The following YTHDC1 variants were observed in gnomAD, a reference collection of about 807,000 sequenced individuals.
YTHDC1 encodes YTH N6-methyladenosine RNA binding protein C1, also known as YTH domain-containing protein 1.
In YTHDC1, 12 loss-of-function variants were observed where a neutral mutation model predicts 107.0. That is an observed-to-expected ratio of 0.11 (90% CI 0.07 to 0.18). YTHDC1 has a LOEUF of 0.18. Ranked by LOEUF, YTHDC1 falls within the 10% of genes least tolerant of loss-of-function variation. YTHDC1 has a pLI of 1.00. For missense variants in YTHDC1, 635 were observed against 898.8 expected (o/e 0.71, Z 3.75); for synonymous variants, 280 against 289.5 (o/e 0.97, Z 0.33).
At chr4:68,316,270 A>T in intron 16 of YTHDC1, 44 bp downstream of exon 16, 1 of 1,580,754 alleles carries the variant, frequency 6.3e-7, no homozygotes, top group Non-Finnish European at 8.6e-7. Flanking sequence ...TACCTACAGA[A>T]TTCTAAGTAG....
chr4:68,338,823 C>A (rs1023668682), intron 1 of YTHDC1, among the ~76,000 whole-genome samples: 7 of 152,176 alleles, frequency 4.6e-5, no homozygotes, highest in Non-Finnish European at 7.3e-5. Flanking sequence ...GCATTCCAGC[C>A]TGGGCGATAA....
At chr4:68,329,159 GTTC>G (rs1723308369) in intron 9 of YTHDC1, among the ~76,000 whole-genome samples, 1 of 151,878 alleles carries the variant, frequency 6.6e-6, no homozygotes, top group Admixed American at 6.6e-5. Flanking sequence ...TTTGCCCTCT[GTTC>G]TTCTCTTTTC....
chr4:68,318,986 C>G, intron 12 of YTHDC1, 124 bp from the exon 13 acceptor site: 2 of 972,794 alleles, frequency 2.1e-6, no homozygotes, highest in Non-Finnish European at 3.1e-6. Flanking sequence ...AGTGATGCTA[C>G]TACTGTATTA....
chr4:68,316,679 T>C (rs1721892773), intron 15 of YTHDC1, among the ~76,000 whole-genome samples: 1 of 152,202 alleles, frequency 6.6e-6, no homozygotes, highest in Non-Finnish European at 1.5e-5. Flanking sequence ...ACAATGGAAA[T>C]AGCAAACACT....
chr4:68,316,036 G>C, intron 16 of YTHDC1: 1 of 258,128 alleles, frequency 3.9e-6, no homozygotes, highest in Non-Finnish European at 7.2e-6. Context: ...TCTCAATATG[G>C]AAAGAACATA....
chr4:68,324,582 T>C lies in YTHDC1; in HGVS notation c.1350-359A>G, dbSNP rs1237621817. Among the ~76,000 whole-genome samples the C allele has an allele frequency of 3.3e-5, 5 of 152,192 alleles. No homozygotes were observed. The East Asian group carries it at 7.7e-4, about 23-fold the overall frequency. ...GAAATGACACAGAAAATATTTAGTA[T>C]ATCCCTTTCTTCTATGAACTCAAAA... On this transcript the variant is annotated intron_variant, in intron 9 of 16. Coordinates refer to ENST00000344157, the MANE Select transcript of YTHDC1 (RefSeq NM_001031732.4).
At chr4:68,349,456 C>T (rs1242363631) in intron 1 of YTHDC1, among the ~76,000 whole-genome samples, 2 of 152,136 alleles carry the variant, frequency 1.3e-5, no homozygotes, top group African/African-American at 4.8e-5. Context: ...CCCTCTCAGC[C>T]CAAGACAGCT....
chr4:68,342,880 C>T (rs907513885), intron 1 of YTHDC1, among the ~76,000 whole-genome samples: 4 of 125,008 alleles, frequency 3.2e-5, no homozygotes, highest in South Asian at 3.2e-4. Context: ...GTAATATCCA[C>T]TAGTTCTAGG....
chr4:68,313,911 G>T lies in YTHDC1; in HGVS notation c.*188C>A. Reference sequence around the variant, plus strand: ...ATTCAACTGTCAGCTGTGGATTTTTGGCGGATTTGAGTTTTTCCAGTTCTT... The same window carrying T: ...ATTCAACTGTCAGCTGTGGATTTTTTGCGGATTTGAGTTTTTCCAGTTCTT... On this transcript the variant is annotated 3_prime_UTR_variant, in exon 17 of 17. Coordinates refer to ENST00000344157, the MANE Select transcript of YTHDC1 (RefSeq NM_001031732.4). The T allele has an allele frequency of 1.6e-6, 1 of 631,546 alleles. No homozygotes were observed. The highest frequency in any genetic ancestry group is 2.7e-6 in the Non-Finnish European group (1 of 366,536). 39.1% of individuals were successfully genotyped at this position (631,546 alleles called of 1,614,324 possible). A position where few individuals can be genotyped will look rare whatever the true frequency, so the allele number is the denominator to read the frequency against.
In YTHDC1 at chr4:68,323,745, G is replaced by A. The variant is rs1722685075; in HGVS notation, c.1434+394C>T. Reference sequence around the variant, plus strand: ...GTTCCATTTGTAGACTTGAAAACCTGAGTACATATATTTAATCTTTTCAGA... The same window carrying A: ...GTTCCATTTGTAGACTTGAAAACCTAAGTACATATATTTAATCTTTTCAGA... On this transcript the variant is annotated intron_variant, in intron 10 of 16. Coordinates refer to ENST00000344157, the MANE Select transcript of YTHDC1 (RefSeq NM_001031732.4). 2.0e-5 allele frequency among the ~76,000 whole-genome samples: 3 copies of A among 152,294 alleles called. 1 individual carries two copies. The highest frequency in any genetic ancestry group is 4.8e-5 in the African/African-American group (2 of 41,556).
Position 68,349,765 on chromosome 4 carries a change from G to A in YTHDC1, c.-12C>T, listed in dbSNP as rs904933343. The A allele has an allele frequency of 2.3e-5, 37 of 1,612,786 alleles. No homozygotes were observed. Among genetic ancestry groups the A allele is most frequent in the Non-Finnish European group, 3.0e-5 (35 of 1,179,680 alleles). ...CTGTCAGCCGCCATGGCTCCCCTTC[G>A]GTTTCCGCCGCTGCCACCGCCGCCG... On this transcript the variant is annotated 5_prime_UTR_variant, in exon 1 of 17. Coordinates refer to ENST00000344157, the MANE Select transcript of YTHDC1 (RefSeq NM_001031732.4).
intron 4 of YTHDC1, among the ~76,000 whole-genome samples, chr4:68,336,296 T>C (rs1452976135): frequency 6.6e-6 from 1 of 152,050 alleles, no homozygotes; most frequent in Non-Finnish European, 1.5e-5. Flanking sequence ...GCTCTGTAAG[T>C]ACCCTGACCT....
At position 68,347,445 on chromosome 4, in the gene YTHDC1, C is replaced by G. The variant is rs116738610; in HGVS notation, c.28+2281G>C. The stretch of plus-strand genomic sequence containing the variant: ...TCACAGGGAGCTAGCAATCTGTCCA[C>G]TTATATGGGCTGCAGCTTCTAGGTA... On this transcript the variant is annotated intron_variant, in intron 1 of 16. Coordinates refer to ENST00000344157, the MANE Select transcript of YTHDC1 (RefSeq NM_001031732.4). 6.0e-3 allele frequency among the ~76,000 whole-genome samples: 911 copies of G among 152,266 alleles called. 11 individuals are homozygous for G. Among genetic ancestry groups the G allele is most frequent in the African/African-American group, 0.021 (860 of 41,548 alleles).
At chr4:68,335,156 A>C (rs1488690889) in intron 4 of YTHDC1, among the ~76,000 whole-genome samples, 1 of 152,188 alleles carries the variant, frequency 6.6e-6, no homozygotes, top group African/African-American at 2.4e-5. Context: ...AATTCTGAGA[A>C]TAAGGTAAAA....
chr4:68,347,520 T>TA (rs577934597), intron 1 of YTHDC1, among the ~76,000 whole-genome samples: 252 of 152,308 alleles, frequency 1.7e-3, no homozygotes, highest in African/African-American at 5.7e-3. Context: ...ATGTCTTTAT[T>TA]ACCCAGATAA....
chr4:68,333,715 A>T (rs1723845100), intron 4 of YTHDC1, among the ~76,000 whole-genome samples: 2 of 152,130 alleles, frequency 1.3e-5, no homozygotes, highest in Non-Finnish European at 2.9e-5. Flanking sequence ...CAAAGCAAAA[A>T]CAATTTCTTT....
At position 68,337,028 on chromosome 4, in the gene YTHDC1, T is replaced by C. The variant is rs780639630; in HGVS notation, c.882A>G (p.Ser294=). 37 of 1,599,696 alleles carry C rather than the reference T, an allele frequency of 2.3e-5. No homozygotes were observed. Among genetic ancestry groups the C allele is most frequent in the Non-Finnish European group, 3.0e-5 (35 of 1,171,678 alleles). Residue 294 remains serine (S), a splice_region_variant and synonymous_variant, in exon 4 of 17, where the codon TCA becomes TCG. Transcript: ENST00000344157. ...ACTTTTACATATAAAAAGTAGTACC[T>C]GATCCATCTGTGCCTGAACCAGATC... is the stretch of plus-strand genomic sequence containing the variant. ...SVRSGSGTDG[S]DEKKKERKRA...
chr4:68,346,094 TATATATAC>T (rs1175384070), intron 1 of YTHDC1, among the ~76,000 whole-genome samples: 3 of 138,466 alleles, frequency 2.2e-5, no homozygotes, highest in African/African-American at 8.2e-5. Flanking sequence ...TATATATATA[TATATATAC>T]ACACACACCT....
chr4:68,324,032 T>G (rs1722713712), intron 10 of YTHDC1, 107 bp downstream of exon 10: 3 of 933,686 alleles, frequency 3.2e-6, no homozygotes, highest in Non-Finnish European at 3.2e-6. Context: ...TTTCAAATTC[T>G]CACGTGGTCT....
Sources: allele counts gnomAD v4.1 joint callset (sites outside exome capture counted in the v4.1 genomes callset), GRCh38; gene constraint gnomAD v4.1.1; transcripts MANE v1.5; gene names NCBI Gene and HGNC (gene_info 2026-07-23, HGNC 2026-07-21).